The following TMEM132C variants were observed in gnomAD, a reference collection of about 807,000 sequenced individuals.
TMEM132C encodes protein phosphatase 1, regulatory subunit 152.
Under a neutral mutation model 61.4 loss-of-function variants are expected in TMEM132C, and 29 were observed. The ratio of observed to expected loss-of-function variants is 0.47; its 90% CI spans 0.35 to 0.64. TMEM132C has a LOEUF of 0.64. Among genes scored for constraint, TMEM132C ranks in the 30% least tolerant of loss-of-function variants. TMEM132C has a pLI of 0.00. For synonymous variants in TMEM132C, 656 were observed against 633.1 expected, an observed-to-expected ratio of 1.04 and a Z score of -0.54; for missense variants, 1,408 against 1,476.9, an observed-to-expected ratio of 0.95 and a Z score of 0.76.
chr12:128,284,522 A>C (rs1468747825), intron 1 of TMEM132C, among the ~76,000 whole-genome samples: 1 of 152,202 alleles, frequency 6.6e-6, no homozygotes, highest in African/African-American at 2.4e-5. Flanking sequence ...CCTCAAGCCT[A>C]TGTGAAGCCA....
intron 4 of TMEM132C, among the ~76,000 whole-genome samples, chr12:128,653,260 G>T (rs953581511): frequency 6.6e-6 from 1 of 152,006 alleles, no homozygotes; most frequent in African/African-American, 2.4e-5. Context: ...GTTGCTGGGG[G>T]CTGGGAGGAG....
intron 3 of TMEM132C, among the ~76,000 whole-genome samples, chr12:128,582,182 G>A (rs1301771149): frequency 6.6e-6 from 1 of 152,174 alleles, no homozygotes; most frequent in East Asian, 1.9e-4. Context: ...TGGAAAATAG[G>A]CAAGCACTAT....
intron 1 of TMEM132C, among the ~76,000 whole-genome samples, chr12:128,361,139 C>T (rs1873697042): frequency 1.3e-5 from 2 of 152,180 alleles, no homozygotes; most frequent in African/African-American, 4.8e-5. Flanking sequence ...ATGCTCGTTG[C>T]TCCGAGGAAC....
At position 128,557,246 on chromosome 12, in the gene TMEM132C, G is replaced by C. The variant is rs755242768; in HGVS notation, c.1121+13143G>C. 2.6e-5 allele frequency among the ~76,000 whole-genome samples: 4 copies of C among 152,174 alleles called. 1 individual carries two copies. The highest frequency in any genetic ancestry group is 5.9e-5 in the Non-Finnish European group (4 of 68,036). On this transcript the variant is annotated intron_variant, in intron 3 of 8. Transcript: ENST00000435159. The stretch of plus-strand genomic sequence containing the variant: ...CTTTTGGCACCCAAGCCTCATTTAA[G>C]GTATTTCATGGCCAGAATGAGGAGT...
chr12:128,516,295 G>A (rs1006464247), intron 2 of TMEM132C, among the ~76,000 whole-genome samples: 3 of 152,204 alleles, frequency 2.0e-5, no homozygotes, highest in East Asian at 1.9e-4. Flanking sequence ...ACATTCTTCC[G>A]ATGGGACAAT....
rs202225455 is a variant in TMEM132C, at chr12:128,566,319, G to GA, written c.1121+22224dup. Among the ~76,000 whole-genome samples the GA allele has an allele frequency of 5.7e-3, 865 of 151,174 alleles. 18 individuals are homozygous for GA. Among genetic ancestry groups the GA allele is most frequent in the African/African-American group, 0.02 (812 of 41,140 alleles). On this transcript the variant is annotated intron_variant, in intron 3 of 8. Transcript: ENST00000435159. The stretch of plus-strand genomic sequence containing the variant: ...TGAGGATGAACATAGGTCTAATATA[G>GA]AAAAAAAATGATTGACATTTTGTGT...
intron 2 of TMEM132C, among the ~76,000 whole-genome samples, chr12:128,431,102 G>A (rs144010106): frequency 6.8e-4 from 103 of 152,344 alleles, no homozygotes; most frequent in African/African-American, 2.5e-3. Context: ...GAACGCAAAG[G>A]AAAGTTCTGG....
At chr12:128,344,974 T>A (rs1462727138) in intron 1 of TMEM132C, among the ~76,000 whole-genome samples, 1 of 150,898 alleles carries the variant, frequency 6.6e-6, no homozygotes, top group African/African-American at 2.4e-5. Context: ...AGTTCAGGGC[T>A]CTAGTGGTTT....
At chr12:128,545,206 A>G (rs118070589) in intron 3 of TMEM132C, among the ~76,000 whole-genome samples, 1 of 152,142 alleles carries the variant, frequency 6.6e-6, no homozygotes, top group African/African-American at 2.4e-5. Flanking sequence ...CCCACTTATA[A>G]GTGAGAACAT....
rs924536081 is a variant in TMEM132C at position 128,667,572 on chromosome 12, C to T, written c.1306-1845C>T. ...AAACTCATAACTCTTTTAGCTGCGC[C>T]CTTGTTTAATGCAAAAGGTCATTTT... On this transcript the variant is annotated intron_variant, in intron 4 of 8. Coordinates refer to ENST00000435159, the MANE Select transcript of TMEM132C (RefSeq NM_001136103.3). Among the ~76,000 whole-genome samples the T allele has an allele frequency of 1.3e-5, 2 of 152,136 alleles. 1 individual carries two copies. The highest frequency in any genetic ancestry group is 1.3e-4 in the Admixed American group (2 of 15,274).
chr12:128,553,384 T>C lies in TMEM132C; in HGVS notation c.1121+9281T>C, dbSNP rs113613354. Among the ~76,000 whole-genome samples the C allele has an allele frequency of 4.6e-3, 700 of 152,348 alleles. 11 individuals are homozygous for C. The highest frequency in any genetic ancestry group is 0.016 in the African/African-American group (668 of 41,576). On this transcript the variant is annotated intron_variant, in intron 3 of 8. Coordinates refer to ENST00000435159, the MANE Select transcript of TMEM132C (RefSeq NM_001136103.3). ...AAAAACATATTCAAAGATATGTTTT[T>C]TAAACCCATATTCCATATCTTATGT...
intron 1 of TMEM132C, among the ~76,000 whole-genome samples, chr12:128,316,985 A>G (rs918085425): frequency 6.6e-6 from 1 of 152,206 alleles, no homozygotes; most frequent in African/African-American, 2.4e-5. Flanking sequence ...TTGAATAGCT[A>G]TCACCCTTAT....
intron 2 of TMEM132C, among the ~76,000 whole-genome samples, chr12:128,452,528 C>T (rs1483252131): frequency 1.3e-5 from 2 of 149,562 alleles, no homozygotes. Context: ...ACTAAAAATA[C>T]AAAAATTAGC....
intron 3 of TMEM132C, among the ~76,000 whole-genome samples, chr12:128,596,205 G>T (rs1343766775): frequency 1.3e-5 from 2 of 151,508 alleles, no homozygotes; most frequent in Non-Finnish European, 2.9e-5. Context: ...ACACTGGGCT[G>T]CCCCTTTCGC....
In TMEM132C at chr12:128,360,278, A is replaced by ACACACC. The variant is rs1415614189; in HGVS notation, c.86-54451_86-54450insACCCAC. 2.1e-5 allele frequency among the ~76,000 whole-genome samples: 3 copies of ACACACC among 140,194 alleles called. No homozygotes were observed. The East Asian group carries it at 6.1e-4, about 29-fold the overall frequency. The allele number at this position is 140,194 out of a possible 152,430, so 92.0% of individuals were successfully genotyped here. A position where few individuals can be genotyped will look rare whatever the true frequency, so the allele number is the denominator to read the frequency against. ...CACACACACACACACACACACACACACACCCCAGGATAACAGAGAGAGAAC... is the reference window on the plus strand; with the variant it reads ...CACACACACACACACACACACACACACACACCCACCCCAGGATAACAGAGAGAGAAC... On this transcript the variant is annotated intron_variant, in intron 1 of 8. Coordinates refer to ENST00000435159, the MANE Select transcript of TMEM132C (RefSeq NM_001136103.3).
At chr12:128,365,135 T>TG (rs942061403) in intron 1 of TMEM132C, among the ~76,000 whole-genome samples, 24 of 152,252 alleles carry the variant, frequency 1.6e-4, no homozygotes, top group Middle Eastern at 6.8e-3. Context: ...GACACGACAC[T>TG]GGGGGCAGGA....
At chr12:128,537,179 G>A (rs1166795648) in intron 2 of TMEM132C, among the ~76,000 whole-genome samples, 1 of 152,164 alleles carries the variant, frequency 6.6e-6, no homozygotes, top group Non-Finnish European at 1.5e-5. Context: ...TGAAGCAGAG[G>A]ACATGAAACC....
intron 4 of TMEM132C, among the ~76,000 whole-genome samples, chr12:128,646,978 T>C (rs1456471818): frequency 2.0e-5 from 3 of 151,806 alleles, no homozygotes; most frequent in African/African-American, 7.3e-5. Context: ...GTGTGTTTAC[T>C]GGAGTCCATC....
In TMEM132C at chr12:128,707,561, A is replaced by T. The variant is rs895456737; in HGVS notation, c.*1266A>T. ...AGCAGCACATTGCAAAAATGCATTC[A>T]TCCAAAGCGACACATGTGGCAACGT... On this transcript the variant is annotated 3_prime_UTR_variant, in exon 9 of 9. Coordinates refer to ENST00000435159, the MANE Select transcript of TMEM132C (RefSeq NM_001136103.3). 3.9e-5 allele frequency: 6 copies of T among 152,228 alleles called. No homozygotes were observed. Among genetic ancestry groups the T allele is most frequent in the African/African-American group, 1.4e-4 (6 of 41,458 alleles). 9.4% of individuals were successfully genotyped at this position (152,228 alleles called of 1,614,324 possible).
Sources: allele counts gnomAD v4.1 joint callset (sites outside exome capture counted in the v4.1 genomes callset), GRCh38; gene constraint gnomAD v4.1.1; transcripts MANE v1.5; gene names NCBI Gene and HGNC (gene_info 2026-07-23, HGNC 2026-07-21).